FGD3: variants seen among roughly 807,000 people sequenced by gnomAD.
FGD3 encodes the protein FYVE, RhoGEF and PH domain containing 3.
A neutral mutation model predicts 71.8 loss-of-function variants in FGD3; 45 were observed. The ratio of observed to expected loss-of-function variants is 0.63; its 90% CI spans 0.49 to 0.80. FGD3 has a LOEUF of 0.80. FGD3 is among the 30% of genes least tolerant of loss of function. The pLI, the probability that FGD3 is intolerant of heterozygous loss-of-function variation, is 0.00. For missense variants in FGD3, 844 were observed against 951.5 expected, an observed-to-expected ratio of 0.89 and a Z score of 1.49; for synonymous variants, 378 against 392.8, an observed-to-expected ratio of 0.96 and a Z score of 0.44.
intron 1 of FGD3, among the ~76,000 whole-genome samples, chr9:92,974,093 T>G (rs1407311059): frequency 2.7e-5 from 4 of 150,636 alleles, no homozygotes; most frequent in African/African-American, 9.7e-5. Context: ...TCGTAGGTTT[T>G]GTCCATTTTT....
intron 1 of FGD3, among the ~76,000 whole-genome samples, chr9:92,966,600 G>A (rs1859336346): frequency 6.6e-6 from 1 of 152,222 alleles, no homozygotes; most frequent in Non-Finnish European, 1.5e-5. Context: ...CCTGCCCGGG[G>A]CCCACCCCAC....
rs1446924586 is a variant in FGD3, at chr9:93,029,935, G to C, written c.1619G>C (p.Ser540Thr). The C allele has an allele frequency of 1.2e-6, 2 of 1,613,596 alleles. No homozygotes were observed. Among genetic ancestry groups the C allele is most frequent in the Non-Finnish European group, 1.7e-6 (2 of 1,179,808 alleles). ...GACAAGGAGAAGCAGAGCTGTAAGA[G>C]CTGTGGTGAGACCTTCAACTCCATC... ...RRDKEKQSCKSCGETFNSITK... is the reference protein window; with the variant it reads ...RRDKEKQSCKTCGETFNSITK... Residue 540 changes from serine (S) to threonine (T), a missense_variant, in exon 15 of 18, where the codon AGC becomes ACC. Ser to Thr is a moderately conservative substitution (Grantham distance 58). Transcript: ENST00000375482.
rs751186757 is a variant in FGD3, at chr9:93,020,413, C to T, written c.1483C>T (p.Pro495Ser). The change falls in exon 13 of 18, where the codon CCA becomes TCA. Residue 495 changes from proline to serine, a missense_variant. Transcript: ENST00000375482. ...CCAGGATGAGGACCCCAGCCTCTCTCCAGACATGCCTGTGAGTCAGTGGCC... is the reference window on the plus strand; with the variant it reads ...CCAGGATGAGGACCCCAGCCTCTCTTCAGACATGCCTGTGAGTCAGTGGCC... ...FSQDEDPSLS[P>S]DMPITSTSPV... is the part of the protein sequence containing the mutation. 1 of 1,613,194 alleles carries T rather than the reference C, an allele frequency of 6.2e-7. No homozygotes were observed. The highest frequency in any genetic ancestry group is 8.5e-7 in the Non-Finnish European group (1 of 1,179,770).
chr9:92,997,453 G>C (rs1202116010), intron 3 of FGD3, among the ~76,000 whole-genome samples: 2 of 152,068 alleles, frequency 1.3e-5, no homozygotes, highest in Non-Finnish European at 2.9e-5. Context: ...TCTTTTAATT[G>C]GAGCATTTAG....
chr9:92,993,236 A>T (rs1384729611), intron 3 of FGD3, among the ~76,000 whole-genome samples: 1 of 151,748 alleles, frequency 6.6e-6, no homozygotes. Context: ...AGTAGGGGGG[A>T]CTGTAGGTGT....
chr9:92,964,383 C>G (rs907789372), intron 1 of FGD3: 4 of 152,186 alleles, frequency 2.6e-5, no homozygotes, highest in African/African-American at 9.7e-5. Context: ...AGGTGTTGGC[C>G]GAGCCCTGAG....
chr9:92,972,167 G>A (rs1189381218), intron 1 of FGD3, among the ~76,000 whole-genome samples: 1 of 151,894 alleles, frequency 6.6e-6, no homozygotes, highest in African/African-American at 2.4e-5. Context: ...TGAAAGATCT[G>A]GCTGGATGTG....
chr9:93,014,629 GT>G (rs954341207), intron 9 of FGD3, among the ~76,000 whole-genome samples: 2 of 151,718 alleles, frequency 1.3e-5, no homozygotes, highest in Non-Finnish European at 2.9e-5. Context: ...TACAGAACAA[GT>G]TTTTTTTGTT....
At chr9:93,007,608 C>T (rs866538609) in intron 6 of FGD3, among the ~76,000 whole-genome samples, 11 of 152,130 alleles carry the variant, frequency 7.2e-5, no homozygotes. Flanking sequence ...GCTGAGATCG[C>T]GCCTGCCATG....
At chr9:93,026,619 G>A (rs572163220) in intron 14 of FGD3, among the ~76,000 whole-genome samples, 62 of 152,308 alleles carry the variant, frequency 4.1e-4, no homozygotes, top group Middle Eastern at 3.4e-3. Flanking sequence ...TGGGACTCCC[G>A]GCACTGCCTC....
intron 15 of FGD3, among the ~76,000 whole-genome samples, chr9:93,031,891 C>T (rs977024527): frequency 2.0e-5 from 3 of 152,062 alleles, no homozygotes; most frequent in East Asian, 1.9e-4. Context: ...GGAGGGAGAC[C>T]GAGGCAGAGA....
At chr9:93,015,921 C>A in intron 10 of FGD3, 92 bp downstream of exon 10, 1 of 1,137,910 alleles carries the variant, frequency 8.8e-7, no homozygotes, top group South Asian at 1.2e-5. Flanking sequence ...AGGCACTCAC[C>A]TCTGTGCAGC....
chr9:92,961,902 G>A (rs989601662), intron 1 of FGD3, among the ~76,000 whole-genome samples: 1 of 152,202 alleles, frequency 6.6e-6, no homozygotes, highest in Non-Finnish European at 1.5e-5. Flanking sequence ...AAAGGCAAAA[G>A]CTGCAGTGTT....
chr9:92,950,418 C>CA (rs772736450), intron 1 of FGD3, among the ~76,000 whole-genome samples: 7,916 of 113,476 alleles, frequency 0.07, 247 homozygotes, highest in African/African-American at 0.11. Context: ...GATTCCATCT[C>CA]AAAAAAAAAA....
chr9:92,984,110 T>G (rs1378024595), intron 3 of FGD3, among the ~76,000 whole-genome samples: 1 of 152,236 alleles, frequency 6.6e-6, no homozygotes, highest in African/African-American at 2.4e-5. Flanking sequence ...GGGATACAGC[T>G]AGCTCTGTAT....
Position 93,035,638 on chromosome 9 carries a change from C to A in FGD3, c.*49C>A. 1 of 1,527,700 alleles carries A rather than the reference C, an allele frequency of 6.5e-7. No individual in the cohort carries two copies. 94.6% of individuals were successfully genotyped at this position (1,527,700 alleles called of 1,614,324 possible). On this transcript the variant is annotated 3_prime_UTR_variant, in exon 18 of 18. Coordinates refer to ENST00000375482, the MANE Select transcript of FGD3 (RefSeq NM_001083536.2). ...CACCACCACATTGGACCTGTGCTGT[C>A]CTGGGAGGTGGTGTTGGAGGCCCCA...
chr9:93,015,696 CG>C, intron 9 of FGD3, 40 bp from the exon 10 acceptor site: 1 of 1,561,712 alleles, frequency 6.4e-7, no homozygotes, highest in Non-Finnish European at 8.8e-7. Flanking sequence ...GGGGGACCTG[CG>C]GGCAGCTCTC....
chr9:93,010,387 G>A lies in FGD3; in HGVS notation c.976+3G>A. 1.9e-6 allele frequency: 3 copies of A among 1,604,594 alleles called. No individual in the cohort carries two copies. The highest frequency in any genetic ancestry group is 2.6e-6 in the Non-Finnish European group (3 of 1,173,126). ...CCCAGACCGGAAGGATGCGGAGAGT[G>A]AGCTGGGGCCAAGGGCTCCCAGGAG... On this transcript the variant is annotated splice_donor_region_variant and intron_variant, in intron 7 of 17. Transcript: ENST00000375482.
intron 1 of FGD3, among the ~76,000 whole-genome samples, chr9:92,956,150 C>T (rs2118503517): frequency 6.6e-6 from 1 of 152,248 alleles, no homozygotes; most frequent in African/African-American, 2.4e-5. Context: ...TTTGTTTTCG[C>T]TTCTTGGCAT....
Sources: gnomAD v4.1 joint callset for allele counts (sites outside exome capture counted in the v4.1 genomes callset) on GRCh38, gnomAD v4.1.1 for gene constraint, MANE v1.5 for transcripts, NCBI Gene and HGNC (gene_info 2026-07-23, HGNC 2026-07-21) for gene names.